Variants in ZNF91 observed in about 807,000 individuals in gnomAD.
The protein encoded by ZNF91 is zinc finger protein 91, also known as zinc finger protein 91 (HPF7, HTF10).
A neutral mutation model predicts 12.6 loss-of-function variants in ZNF91; 7 were observed. That is an observed-to-expected ratio of 0.55 (90% confidence interval 0.31 to 1.04). ZNF91 has a LOEUF of 1.04. Ranked by LOEUF, ZNF91 falls within the 50% of genes least tolerant of loss-of-function variation. ZNF91 has a pLI of 0.05. For missense variants in ZNF91, 1,217 were observed against 1,385.4 expected (o/e 0.88, Z 1.93); for synonymous variants, 453 against 462.6 (o/e 0.98, Z 0.27).
At chr19:23,382,232 C>A (rs990058210) in intron 1 of ZNF91, among the ~76,000 whole-genome samples, 10 of 152,028 alleles carry the variant, frequency 6.6e-5, no homozygotes, top group Non-Finnish European at 1.2e-4. Flanking sequence ...TTTATATTTT[C>A]TTTTACAACA....
intron 1 of ZNF91, among the ~76,000 whole-genome samples, chr19:23,331,939 T>C (rs1049822150): frequency 5.9e-5 from 9 of 152,228 alleles, no homozygotes; most frequent in African/African-American, 2.2e-4. Flanking sequence ...CTGTCTCTGG[T>C]GTCTCTTCAG....
chr19:23,361,067 C>T lies in ZNF91; in HGVS notation c.1912G>A (p.Ala638Thr), dbSNP rs758130894. The T allele has an allele frequency of 1.2e-6, 2 of 1,607,158 alleles. No homozygotes were observed. The highest frequency in any genetic ancestry group is 1.1e-5 in the South Asian group (1 of 90,718). Residue 638 changes from alanine to threonine, a missense_variant, in exon 4 of 4, where the codon GCT (alanine) becomes ACT (threonine). This residue lies in a region of ZNF91 where 726 missense variants were observed against 895.5 expected (regional missense o/e 0.81). Transcript: ENST00000300619. ...GCAAGGGCTGAAGAATGGCTAAAAG[C>T]TTTGCCACATTCTTCACATTTGTAG... ...KPYKCEECGKAFSHSSALAKH... is the reference protein window; with the variant it reads ...KPYKCEECGKTFSHSSALAKH...
chr19:23,318,311 G>T (rs1218815718), intron 1 of ZNF91, among the ~76,000 whole-genome samples: 1 of 151,614 alleles, frequency 6.6e-6, no homozygotes, highest in Non-Finnish European at 1.5e-5. Flanking sequence ...TGACATCTCT[G>T]CATCCATTAC....
downstream of ZNF91, among the ~76,000 whole-genome samples, chr19:23,334,585 A>G (rs1049417335): frequency 2.6e-5 from 4 of 152,232 alleles, no homozygotes; most frequent in Non-Finnish European, 5.9e-5. Context: ...TATTTTCCAC[A>G]AATCAAATTC....
Position 23,361,576 on chromosome 19 carries a change from C to T in ZNF91, c.1403G>A (p.Gly468Asp), listed in dbSNP as rs763076796. 55 of 1,613,260 alleles carry T rather than the reference C, an allele frequency of 3.4e-5. No individual in the cohort carries two copies. Among genetic ancestry groups the T allele is most frequent in the Non-Finnish European group, 4.3e-5 (51 of 1,179,770 alleles). ...REKPFKCKEC[G>D]KAFIWSSTLT... ...GGTTGAAGACCATATAAATGCTTTGCCACATTCTTTACATTTGAAGGGTTT... is the reference window on the plus strand; with the variant it reads ...GGTTGAAGACCATATAAATGCTTTGTCACATTCTTTACATTTGAAGGGTTT... Residue 468 changes from glycine (G) to aspartate (D), a missense_variant, in exon 4 of 4, where the codon GGC becomes GAC. Transcript: ENST00000300619.
intron 3 of ZNF91, among the ~76,000 whole-genome samples, 183 bp from the exon 4 acceptor site, chr19:23,362,908 C>G (rs1968870961): frequency 6.6e-6 from 1 of 152,186 alleles, no homozygotes; most frequent in Non-Finnish European, 1.5e-5. Flanking sequence ...GAGTCTCGCT[C>G]TGTCACCCAG....
At chr19:23,372,793 T>C (rs1185561378) in intron 3 of ZNF91, among the ~76,000 whole-genome samples, 1 of 152,202 alleles carries the variant, frequency 6.6e-6, no homozygotes. Flanking sequence ...CCACAGTTCA[T>C]GGCCGGTTCT....
chr19:23,323,536 T>C (rs949624421), intron 1 of ZNF91, among the ~76,000 whole-genome samples: 1 of 145,092 alleles, frequency 6.9e-6, no homozygotes, highest in Non-Finnish European at 1.5e-5. Flanking sequence ...CTCCTCCTTT[T>C]CCTTTTTCTC....
upstream of ZNF91, among the ~76,000 whole-genome samples, chr19:23,313,445 C>T (rs1967502709): frequency 6.6e-6 from 1 of 152,186 alleles, no homozygotes; most frequent in African/African-American, 2.4e-5. Flanking sequence ...TATGTTCTTC[C>T]CTCAGGGGAG....
At chr19:23,315,481 C>T (rs1049868067), upstream of ZNF91, among the ~76,000 whole-genome samples, 1 of 152,156 alleles carries the variant, frequency 6.6e-6, no homozygotes, top group African/African-American at 2.4e-5. Flanking sequence ...CTAGGCCCAG[C>T]ACACAAGCAA....
At chr19:23,376,619 C>T (rs1969512892) in intron 1 of ZNF91, among the ~76,000 whole-genome samples, 1 of 152,058 alleles carries the variant, frequency 6.6e-6, no homozygotes, top group South Asian at 2.1e-4. Flanking sequence ...AAACTGCCAA[C>T]CTCAGGTGAT....
At chr19:23,321,656 T>C (rs1040159108) in intron 1 of ZNF91, among the ~76,000 whole-genome samples, 2 of 152,134 alleles carry the variant, frequency 1.3e-5, no homozygotes, top group African/African-American at 4.8e-5. Flanking sequence ...TTGTGACCTA[T>C]TGCTGGGCCC....
intron 1 of ZNF91, among the ~76,000 whole-genome samples, chr19:23,333,317 T>A (rs1462864672): frequency 2.6e-5 from 4 of 152,222 alleles, no homozygotes; most frequent in Admixed American, 2.6e-4. Flanking sequence ...AACTCAAGGT[T>A]TTGCCTCAGA....
chr19:23,330,192 G>T (rs1432002283), intron 1 of ZNF91, among the ~76,000 whole-genome samples: 1 of 152,078 alleles, frequency 6.6e-6, no homozygotes, highest in Admixed American at 6.6e-5. Flanking sequence ...TCAGCCGGGT[G>T]TTGGGGCGGG....
intron 1 of ZNF91, among the ~76,000 whole-genome samples, chr19:23,376,209 A>G (rs1189830140): frequency 6.6e-6 from 1 of 152,176 alleles, no homozygotes; most frequent in Non-Finnish European, 1.5e-5. Context: ...CTCCATAGAA[A>G]TAGATTATCC....
chr19:23,364,835 T>C (rs1968940131), intron 3 of ZNF91, among the ~76,000 whole-genome samples: 1 of 151,994 alleles, frequency 6.6e-6, no homozygotes, highest in Non-Finnish European at 1.5e-5. Context: ...CAAACAAACA[T>C]AGAGATAATT....
At chr19:23,384,940 G>A in intron 1 of ZNF91, 1 of 830,368 alleles carries the variant, frequency 1.2e-6, no homozygotes, top group Non-Finnish European at 2.1e-6. Flanking sequence ...CTTTCGGCCA[G>A]CAAAGTTGCC....
chr19:23,376,868 TCTCA>T (rs1969522126), intron 1 of ZNF91, among the ~76,000 whole-genome samples: 2 of 152,182 alleles, frequency 1.3e-5, no homozygotes, highest in Non-Finnish European at 2.9e-5. Context: ...CTCCTCCTCC[TCTCA>T]AATTCTTTCT....
intron 3 of ZNF91, among the ~76,000 whole-genome samples, chr19:23,368,647 C>A (rs546027797): frequency 1.4e-3 from 203 of 147,868 alleles, no homozygotes; most frequent in Middle Eastern, 3.6e-3. Context: ...AAGAAAAAAA[C>A]CAGAATAATT....
Sources: gnomAD v4.1 joint callset for allele counts (sites outside exome capture counted in the v4.1 genomes callset) on GRCh38, gnomAD v4.1.1 for gene constraint, gnomAD v4.1.1 regional missense constraint, MANE v1.5 for transcripts, NCBI Gene and HGNC (gene_info 2026-07-23, HGNC 2026-07-21) for gene names.